The following FBXL8 variants were observed in gnomAD, a reference collection of about 807,000 sequenced individuals.
FBXL8 encodes the protein F-box and leucine rich repeat protein 8.
A neutral mutation model predicts 8.2 loss-of-function variants in FBXL8; 13 were observed. The observed-to-expected ratio is 1.58, with a 90% CI of 1.03 to 2.51. The LOEUF is 2.51. Ranked by LOEUF, FBXL8 falls within the 30% of genes most tolerant of loss-of-function variation. FBXL8 has a pLI of 0.00. For missense variants in FBXL8, 565 were observed against 540.4 expected (o/e 1.05, Z -0.45); for synonymous variants, 271 against 260.5 (o/e 1.04, Z -0.39).
chr16:67,163,709 G>A lies in FBXL8; in HGVS notation c.1014G>A (p.Val338=), dbSNP rs2031032624. Reference sequence around the variant, plus strand: ...TGCGCGAGGTGCATTGTTTCTGCGTGGTGAGCCACTCGGTGCTGGACGCCT... The same window carrying A: ...TGCGCGAGGTGCATTGTTTCTGCGTAGTGAGCCACTCGGTGCTGGACGCCT... The part of the protein sequence containing the change: ...AALREVHCFC[V]VSHSVLDAFR... The change falls in exon 3 of 3, where the codon GTG becomes GTA. Residue 338 remains valine (V), a synonymous_variant. Transcript: ENST00000258200. 6.3e-7 allele frequency: 1 copy of A among 1,594,518 alleles called. No homozygotes were observed. The highest frequency in any genetic ancestry group is 8.5e-7 in the Non-Finnish European group (1 of 1,177,826).
At chr16:67,161,134 G>T (rs77210750) in intron 1 of FBXL8, 2 of 166,244 alleles carry the variant, frequency 1.2e-5, no homozygotes, top group East Asian at 1.4e-4. Flanking sequence ...TCTACTAACC[G>T]GCGGGGTTAA....
At chr16:67,160,850 G>A (rs1319711765) in intron 1 of FBXL8, among the ~76,000 whole-genome samples, 1 of 152,250 alleles carries the variant, frequency 6.6e-6, no homozygotes, top group African/African-American at 2.4e-5. Flanking sequence ...CTCAGCGGGA[G>A]CCAGGGCTGC....
chr16:67,161,768 C>T lies in FBXL8; in HGVS notation c.-18C>T. 1.9e-6 allele frequency: 3 copies of T among 1,580,930 alleles called. No homozygotes were observed. The highest frequency in any genetic ancestry group is 2.6e-6 in the Non-Finnish European group (3 of 1,161,458). ...TATTGGGAGTGGCGGATCCTCCCAC[C>T]CCAGCCGGATCTGGGCCATGGCCGA... On this transcript the variant is annotated 5_prime_UTR_variant, in exon 2 of 3. Transcript: ENST00000258200.
At position 67,163,201 on chromosome 16, in the gene FBXL8, T is replaced by A; in HGVS notation, c.506T>A (p.Leu169Gln). 1.9e-6 allele frequency: 3 copies of A among 1,565,632 alleles called. No individual in the cohort carries two copies. The highest frequency in any genetic ancestry group is 2.6e-6 in the Non-Finnish European group (3 of 1,156,334). The change falls in exon 3 of 3, where the codon CTG becomes CAG. Residue 169 changes from leucine (L) to glutamine (Q), a missense_variant. Transcript: ENST00000258200. ...TGTCCCGAGCTCCACAGCCTTTTTC[T>A]GGACAACAGTACCCTAGTGGGCAGC... Reference protein sequence around the residue: ...RSCPELHSLFLDNSTLVGSVG... With the variant: ...RSCPELHSLFQDNSTLVGSVG...
chr16:67,162,206 A>T, intron 2 of FBXL8: 1 of 391,964 alleles, frequency 2.6e-6, no homozygotes, highest in Non-Finnish European at 4.6e-6. Context: ...GTGGGCGCCT[A>T]TAATTCTAGC....
In FBXL8 at chr16:67,163,547, C is replaced by G; in HGVS notation, c.852C>G (p.Leu284=). The G allele has an allele frequency of 6.3e-7, 1 of 1,576,218 alleles. No individual in the cohort carries two copies. The highest frequency in any genetic ancestry group is 8.5e-7 in the Non-Finnish European group (1 of 1,169,610). The change falls in exon 3 of 3, where the codon CTC becomes CTG. Residue 284 remains leucine (L), a synonymous_variant. Coordinates refer to ENST00000258200, the MANE Select transcript of FBXL8 (RefSeq NM_018378.3). ...AVPVAALRLN[L]SGDTVGPVRF... ...CCGTGGCTGCGCTGCGCCTCAACCT[C>G]TCAGGCGACACCGTAGGCCCAGTGC...
chr16:67,162,959 G>A lies in FBXL8; in HGVS notation c.264G>A (p.Ala88=). The A allele has an allele frequency of 1.3e-6, 2 of 1,560,740 alleles. No homozygotes were observed. Among genetic ancestry groups the A allele is most frequent in the Non-Finnish European group, 1.7e-6 (2 of 1,152,338 alleles). The stretch of plus-strand genomic sequence containing the variant: ...CATCGAGGAAGCCGAGCCGCCGGGC[G>A]GCCATCGAGCTGCTGATGGTTCTGG... The part of the protein sequence containing the change: ...FEPSRKPSRR[A]AIELLMVLAG... Residue 88 remains alanine, a synonymous_variant, in exon 3 of 3, where the codon GCG becomes GCA. Transcript: ENST00000258200.
In FBXL8 at chr16:67,163,829, C is replaced by T; in HGVS notation, c.*9C>T. 6.5e-7 allele frequency: 1 copy of T among 1,535,486 alleles called. No individual in the cohort carries two copies. Among genetic ancestry groups the T allele is most frequent in the Non-Finnish European group, 8.7e-7 (1 of 1,148,588 alleles). The stretch of plus-strand genomic sequence containing the variant: ...CTACGCTCGTGGCGTGATTGGGCGA[C>T]TTCTCTCCCCCGTCCCCGTGGACGT... On this transcript the variant is annotated 3_prime_UTR_variant, in exon 3 of 3. Transcript: ENST00000258200.
chr16:67,163,504 T>C lies in FBXL8; in HGVS notation c.809T>C (p.Val270Ala), dbSNP rs562425538. The change falls in exon 3 of 3, where the codon GTC (valine) becomes GCC (alanine). Residue 270 changes from valine (V) to alanine (A), a missense_variant. Coordinates refer to ENST00000258200, the MANE Select transcript of FBXL8 (RefSeq NM_018378.3). ...CTGCCCGCTGAGAGCGTGACGCGCG[T>C]CCTGCAGCCAGCCGTCCCCGTGGCT... ...PALPAESVTR[V>A]LQPAVPVAAL... The C allele has an allele frequency of 9.9e-4, 1,532 of 1,545,614 alleles. 30 individuals carry two copies. The South Asian group carries it at 0.017, about 17-fold the overall frequency.
At chr16:67,162,796 C>A in intron 2 of FBXL8, 52 bp from the exon 3 acceptor site, 1 of 1,548,106 alleles carries the variant, frequency 6.5e-7, no homozygotes, top group Non-Finnish European at 8.7e-7. Context: ...GAGGCTTCTC[C>A]GCTGGTCGCA....
At position 67,163,875 on chromosome 16, in the gene FBXL8, G is replaced by GT. The variant is rs1555549589; in HGVS notation, c.*55_*56insT. 2.6e-5 allele frequency: 39 copies of GT among 1,526,814 alleles called. No homozygotes were observed. Among genetic ancestry groups the GT allele is most frequent in the Middle Eastern group, 2.3e-4 (1 of 4,342 alleles). The allele number at this position is 1,526,814 out of a possible 1,614,324, so 94.6% of individuals were successfully genotyped here. ...GACGTAAGCGCTCTGAGAGGGAACGGGGGGGGTGTCCAGGCGCGCCCCGAG... is the reference window on the plus strand; with the variant it reads ...GACGTAAGCGCTCTGAGAGGGAACGGTGGGGGGTGTCCAGGCGCGCCCCGAG... On this transcript the variant is annotated 3_prime_UTR_variant, in exon 3 of 3. Transcript: ENST00000258200.
At position 67,163,884 on chromosome 16, in the gene FBXL8, T is replaced by A; in HGVS notation, c.*64T>A. ...GCTCTGAGAGGGAACGGGGGGGGTG[T>A]CCAGGCGCGCCCCGAGTGCTAGTGC... is the stretch of plus-strand genomic sequence containing the variant. On this transcript the variant is annotated 3_prime_UTR_variant, in exon 3 of 3. Coordinates refer to ENST00000258200, the MANE Select transcript of FBXL8 (RefSeq NM_018378.3). The A allele has an allele frequency of 6.9e-7, 1 of 1,440,396 alleles. No individual in the cohort carries two copies. The highest frequency in any genetic ancestry group is 1.3e-5 in the South Asian group (1 of 75,188). 89.2% of individuals were successfully genotyped at this position (1,440,396 alleles called of 1,614,324 possible).
Position 67,163,007 on chromosome 16 carries a change from A to T in FBXL8, c.312A>T (p.Arg104=), listed in dbSNP as rs764936780. 5 of 1,555,100 alleles carry T rather than the reference A, an allele frequency of 3.2e-6. No individual in the cohort carries two copies. Among genetic ancestry groups the T allele is most frequent in the Non-Finnish European group, 4.3e-6 (5 of 1,149,470 alleles). ...TGGCGGGCCGTGCCCCGGGGCTGCG[A>T]GGCCTGCGCCTGGAGTGCCGCGGAG... ...MVLAGRAPGL[R]GLRLECRGEK... Residue 104 remains arginine (R), a synonymous_variant, in exon 3 of 3, where the codon CGA becomes CGT. Transcript: ENST00000258200.
In FBXL8 at chr16:67,163,157, G is replaced by A. The variant is rs144700942; in HGVS notation, c.462G>A (p.Val154=). Reference sequence around the variant, plus strand: ...CCTTCACACTGGACGACGCGCTGGTGCTGCAGGCGGCGCGCAGCTGTCCCG... The same window carrying A: ...CCTTCACACTGGACGACGCGCTGGTACTGCAGGCGGCGCGCAGCTGTCCCG... ...RLSFTLDDAL[V]LQAARSCPEL... The change falls in exon 3 of 3, where the codon GTG becomes GTA. Residue 154 remains valine (V), a synonymous_variant. Coordinates refer to ENST00000258200, the MANE Select transcript of FBXL8 (RefSeq NM_018378.3). The A allele has an allele frequency of 3.3e-5, 51 of 1,565,008 alleles. No individual in the cohort carries two copies. The African/African-American group carries it at 6.1e-4, about 19-fold the overall frequency.
chr16:67,160,182 C>CT (rs1051500140), intron 1 of FBXL8, 126 bp downstream of exon 1: 1 of 152,172 alleles, frequency 6.6e-6, no homozygotes, highest in Non-Finnish European at 1.5e-5. Flanking sequence ...GGGGCGCCCC[C>CT]TGGAGACCAG....
In FBXL8 at chr16:67,163,429, T is replaced by G. The variant is rs1567666412; in HGVS notation, c.734T>G (p.Leu245Trp). The change falls in exon 3 of 3, where the codon TTG becomes TGG. Residue 245 changes from leucine to tryptophan, a missense_variant. Transcript: ENST00000258200. ...CTGCCCAACGAAGCCTGGGTCGCGT[T>G]GCGCCGCCGCCACCCTGGGCTGGCA... is the stretch of plus-strand genomic sequence containing the variant. ...SPLPNEAWVA[L>W]RRRHPGLAVE... 3.3e-6 allele frequency: 5 copies of G among 1,536,070 alleles called. No individual in the cohort carries two copies. The highest frequency in any genetic ancestry group is 4.4e-6 in the Non-Finnish European group (5 of 1,146,792).
Position 67,163,406 on chromosome 16 carries a change from G to A in FBXL8, c.711G>A (p.Leu237=), listed in dbSNP as rs61735433. 0.013 allele frequency: 20,639 copies of A among 1,537,522 alleles called. 1,181 individuals carry two copies. In the African/African-American group the frequency reaches 0.15, roughly 11 times the overall value. ...ACPEDARASP[L]PNEAWVALRR... ...CCGAAGATGCACGCGCGTCCCCGCT[G>A]CCCAACGAAGCCTGGGTCGCGTTGC... Residue 237 remains leucine (L), a synonymous_variant, in exon 3 of 3, where the codon CTG becomes CTA. Transcript: ENST00000258200.
In FBXL8 at chr16:67,161,870, G is replaced by T; in HGVS notation, c.85G>T (p.Ala29Ser). ...GTCCCTGAGAGACCGTGCTGCCGCC[G>T]CCAGGGTCTGCAGGGCCTGGGCCGC... is the stretch of plus-strand genomic sequence containing the variant. ...HLSLRDRAAA[A>S]RVCRAWAAAA... The change falls in exon 2 of 3, where the codon GCC becomes TCC. Residue 29 changes from alanine (A) to serine (S), a missense_variant. Physicochemically the swap from Ala to Ser is moderately conservative, Grantham distance 99. Coordinates refer to ENST00000258200, the MANE Select transcript of FBXL8 (RefSeq NM_018378.3). 10 of 1,610,372 alleles carry T rather than the reference G, an allele frequency of 6.2e-6. No homozygotes were observed. The highest frequency in any genetic ancestry group is 8.5e-6 in the Non-Finnish European group (10 of 1,178,692).
chr16:67,161,621 A>T, intron 1 of FBXL8, 114 bp from the exon 2 acceptor site: 1 of 761,448 alleles, frequency 1.3e-6, no homozygotes, highest in Non-Finnish European at 2.0e-6. Context: ...CTGATGCCCC[A>T]CGCTGTCTGA....
Sources: gnomAD v4.1 joint callset for allele counts (sites outside exome capture counted in the v4.1 genomes callset) on GRCh38, gnomAD v4.1.1 for gene constraint, MANE v1.5 for transcripts, NCBI Gene and HGNC (gene_info 2026-07-23, HGNC 2026-07-21) for gene names.